Variants in DMGDH observed in about 807,000 individuals in gnomAD.
DMGDH encodes the protein dimethylglycine dehydrogenase.
In DMGDH, 76 loss-of-function variants were observed where a neutral mutation model predicts 95.2. The observed-to-expected ratio is 0.80, with a 90% confidence interval of 0.66 to 0.97. The LOEUF (loss-of-function observed/expected upper bound fraction) is 0.97. DMGDH is among the 50% of genes least tolerant of loss of function. The probability of loss-of-function intolerance (pLI) is 0.00; values close to 1 mark genes in which losing one functional copy is unlikely to be tolerated. For synonymous variants in DMGDH, 345 were observed against 377.6 expected, an observed-to-expected ratio of 0.91 and a Z score of 1.00; for missense variants, 987 against 1,055.0, an observed-to-expected ratio of 0.94 and a Z score of 0.89.
In DMGDH at chr5:79,005,053, A is replaced by T. The variant is rs578202616; in HGVS notation, c.2385+220T>A. Among the ~76,000 whole-genome samples the T allele has an allele frequency of 3.0e-4, 46 of 152,332 alleles. No individual in the cohort carries two copies. The East Asian group carries it at 8.9e-3, about 29-fold the overall frequency. On this transcript the variant is annotated intron_variant, in intron 15 of 15. Transcript: ENST00000255189. ...AAGTCTTTGGGTTTGTTTTCTTTAA[A>T]CAGAATATATAGAATTTTATGTTTT...
intron 2 of DMGDH, among the ~76,000 whole-genome samples, chr5:79,056,604 AG>A (rs1451036438): frequency 6.6e-6 from 1 of 151,800 alleles, no homozygotes; most frequent in African/African-American, 2.4e-5. Flanking sequence ...CTGTAATCCC[AG>A]CACTTTGGGA....
At chr5:79,038,003 ATGATCT>A (rs1429327301) in intron 7 of DMGDH, among the ~76,000 whole-genome samples, 1 of 152,196 alleles carries the variant, frequency 6.6e-6, no homozygotes. Flanking sequence ...ACTCCCCAAA[ATGATCT>A]ACAGATTCAA....
In DMGDH at chr5:79,042,425, C is replaced by T. The variant is rs1281612426; in HGVS notation, c.1051G>A (p.Ala351Thr). 1.9e-6 allele frequency: 3 copies of T among 1,614,012 alleles called. No individual in the cohort carries two copies. In the African/African-American group the frequency reaches 4.0e-5, roughly 22 times the overall value. ...AAGACAGGAACCATTTCCATGGCAG[C>T]TTTGATGTGTTCCATGATTCGATCT... ...DLDRIMEHIK[A>T]AMEMVPVLKK... The change falls in exon 7 of 16, where the codon GCT becomes ACT. Residue 351 changes from alanine (A) to threonine (T), a missense_variant. Coordinates refer to ENST00000255189, the MANE Select transcript of DMGDH (RefSeq NM_013391.3).
intron 9 of DMGDH, 73 bp from the exon 10 acceptor site, chr5:79,031,071 A>G (rs1580201611): frequency 1.3e-6 from 2 of 1,540,302 alleles, no homozygotes; most frequent in Middle Eastern, 1.7e-4. Context: ...CGATATTTTA[A>G]TAAGCCCTAC....
At chr5:79,049,958 TA>T (rs1435596220) in intron 5 of DMGDH, among the ~76,000 whole-genome samples, 2 of 152,006 alleles carry the variant, frequency 1.3e-5, no homozygotes, top group Non-Finnish European at 2.9e-5. Context: ...AATGCTTTGT[TA>T]AAAATAATAT....
chr5:79,059,571 A>G (rs1412460154), intron 2 of DMGDH, among the ~76,000 whole-genome samples: 2 of 152,220 alleles, frequency 1.3e-5, no homozygotes, highest in Non-Finnish European at 2.9e-5. Flanking sequence ...ATTTAGAAAA[A>G]AATTGAAATG....
intron 14 of DMGDH, among the ~76,000 whole-genome samples, chr5:79,010,878 G>A (rs1214650028): frequency 6.6e-6 from 1 of 152,130 alleles, no homozygotes; most frequent in Admixed American, 6.5e-5. Context: ...GGTACTGTAA[G>A]TGGCAGAGTG....
intron 14 of DMGDH, among the ~76,000 whole-genome samples, chr5:79,013,858 C>T (rs889902885): frequency 5.3e-5 from 8 of 152,084 alleles, no homozygotes; most frequent in African/African-American, 1.9e-4. Context: ...GAGGACAGTA[C>T]CAAAGGGGAT....
chr5:79,026,432 C>T lies in DMGDH; in HGVS notation c.2182G>A (p.Gly728Arg). The change falls in exon 13 of 16, where the codon GGG becomes AGG. Residue 728 changes from glycine to arginine, a missense_variant. Coordinates refer to ENST00000255189, the MANE Select transcript of DMGDH (RefSeq NM_013391.3). ...LRLEKAFRAWGLEMNCDTNPL... is the reference protein window; with the variant it reads ...LRLEKAFRAWRLEMNCDTNPL... Reference sequence around the variant, plus strand: ...ATGCTAGCATTTCAAACCTCTAACCCCCAGGCTCTGAAGGCTTTCTCCAGG... The same window carrying T: ...ATGCTAGCATTTCAAACCTCTAACCTCCAGGCTCTGAAGGCTTTCTCCAGG... The T allele has an allele frequency of 6.2e-7, 1 of 1,614,052 alleles. No homozygotes were observed. Among genetic ancestry groups the T allele is most frequent in the Non-Finnish European group, 8.5e-7 (1 of 1,179,992 alleles).
chr5:79,063,833 G>C, intron 1 of DMGDH, 46 bp from the exon 2 acceptor site: 3 of 1,599,622 alleles, frequency 1.9e-6, no homozygotes, highest in Non-Finnish European at 2.6e-6. Context: ...GGCAATGGTA[G>C]CTATAGTTCT....
intron 5 of DMGDH, among the ~76,000 whole-genome samples, chr5:79,048,608 T>C (rs1754748398): frequency 6.6e-6 from 1 of 152,196 alleles, no homozygotes. Context: ...CTGCAGATAG[T>C]TGCTTTTGTT....
intron 15 of DMGDH, 30 bp from the exon 16 acceptor site, chr5:78,998,327 A>T (rs113160103): frequency 6.3e-7 from 1 of 1,594,164 alleles, no homozygotes; most frequent in Non-Finnish European, 8.6e-7. Flanking sequence ...AGTCCTCAGC[A>T]TCTTGGTCAC....
chr5:79,038,767 C>T (rs1754418810), intron 7 of DMGDH, among the ~76,000 whole-genome samples: 2 of 152,064 alleles, frequency 1.3e-5, no homozygotes, highest in Admixed American at 6.6e-5. Context: ...GCCAGAAAAA[C>T]CAACCATGTG....
intron 15 of DMGDH, 50 bp downstream of exon 15, chr5:79,005,223 C>G: frequency 1.9e-6 from 3 of 1,605,990 alleles, no homozygotes; most frequent in Non-Finnish European, 2.6e-6. Flanking sequence ...AGGGGAGTTT[C>G]TGTTGCAGAA....
At chr5:79,055,728 A>G (rs1425238514) in intron 3 of DMGDH, 82 bp downstream of exon 3, 2 of 896,998 alleles carry the variant, frequency 2.2e-6, no homozygotes, top group Non-Finnish European at 3.7e-6. Context: ...GTCATACACA[A>G]TGATGCATCA....
chr5:79,040,438 C>T (rs1283345608), intron 7 of DMGDH, among the ~76,000 whole-genome samples: 3 of 152,202 alleles, frequency 2.0e-5, no homozygotes, highest in South Asian at 2.1e-4. Context: ...ACCTACCTCA[C>T]GTCATATGCA....
chr5:79,068,130 C>T (rs892575549), intron 1 of DMGDH, among the ~76,000 whole-genome samples: 2 of 152,110 alleles, frequency 1.3e-5, no homozygotes, highest in African/African-American at 4.8e-5. Flanking sequence ...GTTGATCAGG[C>T]TGGTCTCAAA....
chr5:79,032,100 A>G (rs1043073925), intron 9 of DMGDH, among the ~76,000 whole-genome samples: 1 of 152,222 alleles, frequency 6.6e-6, no homozygotes, highest in Non-Finnish European at 1.5e-5. Flanking sequence ...AAAATATATA[A>G]TCACTATTAA....
chr5:79,035,160 C>T (rs897191068), intron 7 of DMGDH, among the ~76,000 whole-genome samples: 5 of 151,274 alleles, frequency 3.3e-5, no homozygotes, highest in African/African-American at 1.2e-4. Flanking sequence ...AAGTTATCCA[C>T]AAACAACCTC....
Sources: allele counts gnomAD v4.1 joint callset (sites outside exome capture counted in the v4.1 genomes callset), GRCh38; gene constraint gnomAD v4.1.1; transcripts MANE v1.5; gene names NCBI Gene and HGNC (gene_info 2026-07-23, HGNC 2026-07-21).